RABEP2: variants seen among roughly 807,000 people sequenced by gnomAD.
RABEP2 encodes the protein rab GTPase-binding effector protein 2.
A neutral mutation model predicts 74.1 loss-of-function variants in RABEP2; 57 were observed. The ratio of observed to expected loss-of-function variants is 0.77; its 90% CI spans 0.62 to 0.96. The LOEUF is 0.96. Ranked by LOEUF, RABEP2 falls within the 40% of genes least tolerant of loss-of-function variation. The probability of loss-of-function intolerance (pLI) is 0.00; values close to 1 mark genes in which losing one functional copy is unlikely to be tolerated. For missense variants in RABEP2, 692 were observed against 756.3 expected (o/e 0.91, Z 1.00); for synonymous variants, 351 against 344.0 (o/e 1.02, Z -0.23).
intron 7 of RABEP2, 77 bp downstream of exon 7, chr16:28,910,811 C>T (rs550230395): frequency 3.9e-6 from 5 of 1,287,206 alleles, no homozygotes; most frequent in African/African-American, 1.5e-5. Context: ...TGACTTCCCA[C>T]GTGCCCCCTT....
chr16:28,911,660 A>G (rs1206870316), intron 5 of RABEP2, among the ~76,000 whole-genome samples: 2 of 151,376 alleles, frequency 1.3e-5, no homozygotes, highest in Non-Finnish European at 2.9e-5. Context: ...AAAAGAGAAA[A>G]AAAAAAAAAA....
In RABEP2 at chr16:28,912,164, T is replaced by C. The variant is rs1029214067; in HGVS notation, c.895-985A>G. 1.1e-4 allele frequency among the ~76,000 whole-genome samples: 15 copies of C among 140,606 alleles called. 1 individual carries two copies. Among genetic ancestry groups the C allele is most frequent in the Admixed American group, 3.6e-4 (5 of 14,078 alleles). 92.2% of individuals were successfully genotyped at this position (140,606 alleles called of 152,430 possible). On this transcript the variant is annotated intron_variant, in intron 5 of 12. Coordinates refer to ENST00000358201, the MANE Select transcript of RABEP2 (RefSeq NM_024816.3). The stretch of plus-strand genomic sequence containing the variant: ...GGAAGGCTGAGGCAGGAGTATGGCA[T>C]GAACCCGGTAGGTGGAGCTAGCAGT...
Position 28,914,264 on chromosome 16 carries a change from T to A in RABEP2, c.866A>T (p.Asp289Val). 6.2e-7 allele frequency: 1 copy of A among 1,609,398 alleles called. No individual in the cohort carries two copies. The highest frequency in any genetic ancestry group is 8.5e-7 in the Non-Finnish European group (1 of 1,178,652). The part of the protein sequence containing the change: ...LPPPGYQLVP[D>V]TQWEQLQTEG... ...TGTCTGCAGCTGCTCCCACTGAGTG[T>A]CTGGGACGAGCTGGTAGCCAGGAGG... Residue 289 changes from aspartate to valine, a missense_variant, in exon 5 of 13, where the codon GAC (aspartate) becomes GTC (valine). Asp to Val is a radical substitution (Grantham distance 152). Transcript: ENST00000358201.
chr16:28,911,169 A>G lies in RABEP2; in HGVS notation c.905T>C (p.Leu302Pro). The change falls in exon 6 of 13, where the codon CTG becomes CCG. Residue 302 changes from leucine to proline, a missense_variant. Physicochemically the swap from Leu to Pro is moderately conservative, Grantham distance 98. Transcript: ENST00000358201. ...ACTGACGCTCTCCAGGTCCTTCTGC[A>G]GCTGTCGGCCCTGCCACAGACCCTG... The part of the protein sequence containing the change: ...WEQLQTEGRQ[L>P]QKDLESVSRE... 2 of 1,610,074 alleles carry G rather than the reference A, an allele frequency of 1.2e-6. No homozygotes were observed. Among genetic ancestry groups the G allele is most frequent in the Non-Finnish European group, 1.7e-6 (2 of 1,179,962 alleles).
intron 8 of RABEP2, 39 bp from the exon 9 acceptor site, chr16:28,906,235 G>C (rs1964229221): frequency 3.3e-6 from 5 of 1,499,724 alleles, no homozygotes; most frequent in African/African-American, 1.4e-5. Flanking sequence ...GGCTGGGGCA[G>C]GAGGGCAGGA....
At chr16:28,905,376 C>A (rs370029255) in intron 12 of RABEP2, 21 bp downstream of exon 12, 1 of 1,571,628 alleles carries the variant, frequency 6.4e-7, no homozygotes, top group Non-Finnish European at 8.7e-7. Flanking sequence ...GCCAGCCTGG[C>A]GGGGCTGGGA....
Position 28,904,521 on chromosome 16 carries a change from T to C in RABEP2, c.*422A>G. On this transcript the variant is annotated 3_prime_UTR_variant, in exon 13 of 13. Transcript: ENST00000358201. ...GGGTCGCCGCTGTGGACAAGCGTCT[T>C]AGTGTCATGCAGACCAGAAGGCAGC... The C allele has an allele frequency of 6.9e-7, 1 of 1,459,290 alleles. No individual in the cohort carries two copies. Among genetic ancestry groups the C allele is most frequent in the South Asian group, 1.2e-5 (1 of 82,454 alleles). The allele number at this position is 1,459,290 out of a possible 1,614,324, so 90.4% of individuals were successfully genotyped here.
intron 2 of RABEP2, among the ~76,000 whole-genome samples, chr16:28,921,581 G>A (rs949822215): frequency 4.0e-5 from 6 of 151,768 alleles, no homozygotes; most frequent in African/African-American, 1.2e-4. Flanking sequence ...TGAATGTGAC[G>A]CCAAGAGGTT....
chr16:28,915,752 C>T (rs918297147), intron 3 of RABEP2, among the ~76,000 whole-genome samples: 2 of 151,162 alleles, frequency 1.3e-5, no homozygotes, highest in African/African-American at 4.9e-5. Flanking sequence ...ACTATTTTGG[C>T]CAGGCTTGTC....
intron 1 of RABEP2, 177 bp from the exon 2 acceptor site, chr16:28,924,792 C>G: frequency 1.6e-6 from 1 of 617,338 alleles, no homozygotes; most frequent in Non-Finnish European, 2.9e-6. Context: ...CTGCCGGGTG[C>G]TGCCTACACT....
chr16:28,921,312 A>G (rs1964465631), intron 2 of RABEP2: 14 of 453,300 alleles, frequency 3.1e-5, no homozygotes, highest in South Asian at 2.2e-4. Context: ...GCAGTATGGG[A>G]AGAGGTACAG....
intron 3 of RABEP2, among the ~76,000 whole-genome samples, chr16:28,918,205 G>A (rs998614163): frequency 6.6e-6 from 1 of 150,722 alleles, no homozygotes; most frequent in East Asian, 2.0e-4. Context: ...TCAGCCTCCC[G>A]AGTAGCTGGG....
chr16:28,906,043 G>A lies in RABEP2; in HGVS notation c.1399C>T (p.Leu467=), dbSNP rs1419124922. ...CCTGTCTCCTCCCGCTGCACCCTCA[G>A]CTGCCCCTCCAGGCTGGCCCTGGCC... ...TVARASLEGQ[L]RVQREETEVL... The change falls in exon 9 of 13, where the codon CTG becomes TTG. Residue 467 remains leucine (L), a synonymous_variant. Coordinates refer to ENST00000358201, the MANE Select transcript of RABEP2 (RefSeq NM_024816.3). 1.9e-6 allele frequency: 3 copies of A among 1,604,012 alleles called. No homozygotes were observed. The highest frequency in any genetic ancestry group is 2.3e-5 in the East Asian group (1 of 44,324).
chr16:28,910,285 CTTTT>C (rs78532991), intron 7 of RABEP2: 2 of 133,180 alleles, frequency 1.5e-5, no homozygotes, highest in Non-Finnish European at 3.2e-5. Context: ...ATCTGATTTG[CTTTT>C]TTTTTTTTTT....
intron 3 of RABEP2, 160 bp downstream of exon 3, chr16:28,919,626 C>G (rs887940208): frequency 5.3e-5 from 41 of 772,266 alleles, no homozygotes; most frequent in Non-Finnish European, 6.6e-5. Context: ...CAGGACCCTA[C>G]GGAGCACAGA....
At chr16:28,915,399 T>G (rs1396508483) in intron 3 of RABEP2, among the ~76,000 whole-genome samples, 1 of 151,598 alleles carries the variant, frequency 6.6e-6, no homozygotes, top group Admixed American at 6.6e-5. Flanking sequence ...CATTGTTAGT[T>G]GGGCATGTGG....
chr16:28,924,958 T>C, intron 1 of RABEP2, 145 bp downstream of exon 1: 1 of 1,020,504 alleles, frequency 9.8e-7, no homozygotes, highest in Non-Finnish European at 1.5e-6. Context: ...CTTTTGCCTG[T>C]GGCTGTAGGC....
chr16:28,923,363 A>G (rs991707431), intron 2 of RABEP2, among the ~76,000 whole-genome samples: 5 of 151,986 alleles, frequency 3.3e-5, no homozygotes, highest in Non-Finnish European at 5.9e-5. Context: ...GTGAGCTGAG[A>G]TCACACCAGC....
intron 5 of RABEP2, among the ~76,000 whole-genome samples, chr16:28,912,252 A>C (rs1168955462): frequency 6.6e-6 from 1 of 151,650 alleles, no homozygotes; most frequent in Non-Finnish European, 1.5e-5. Context: ...ATCTCAAAAA[A>C]AAAAAAAGTG....
Sources: gnomAD v4.1 joint callset for allele counts (sites outside exome capture counted in the v4.1 genomes callset) on GRCh38, gnomAD v4.1.1 for gene constraint, MANE v1.5 for transcripts, NCBI Gene and HGNC (gene_info 2026-07-23, HGNC 2026-07-21) for gene names.